Variants in ADCY3 observed in about 807,000 individuals in gnomAD.
The protein encoded by ADCY3 is adenylate cyclase 3, also known as adenylate cyclase type 3.
ADCY3 carries 70 observed loss-of-function variants against 119.4 expected under a neutral mutation model. The observed-to-expected ratio is 0.59, with a 90% CI of 0.48 to 0.72. The LOEUF (loss-of-function observed/expected upper bound fraction) is 0.72. ADCY3 is among the 30% of genes least tolerant of loss of function. The pLI is 0.00. For missense variants in ADCY3, 1,238 were observed against 1,541.6 expected, an observed-to-expected ratio of 0.80 and a Z score of 3.30; for synonymous variants, 672 against 621.4, an observed-to-expected ratio of 1.08 and a Z score of -1.21.
intron 2 of ADCY3, among the ~76,000 whole-genome samples, chr2:24,875,987 G>A (rs1675638814): frequency 1.9e-5 from 1 of 53,352 alleles, no homozygotes; most frequent in African/African-American, 8.4e-5. Flanking sequence ...ACTTCTTTTT[G>A]GGAGGGGGGC....
Position 24,830,758 on chromosome 2 carries a change from C to G in ADCY3, c.2123G>C (p.Trp708Ser), listed in dbSNP as rs749196820. ...IDRTRWARNTWAMLAIFILVM... is the reference protein window; with the variant it reads ...IDRTRWARNTSAMLAIFILVM... ...CAGGATGAAGATGGCGAGCATGGCC[C>G]AGGTGTTCCTGGCCCAGCGGGTCCG... Residue 708 changes from tryptophan (W) to serine (S), a missense_variant, in exon 13 of 22, where the codon TGG becomes TCG. Trp to Ser is a radical substitution (Grantham distance 177, BLOSUM62 -3). Transcript: ENST00000679454. 1.9e-5 allele frequency: 30 copies of G among 1,614,086 alleles called. No homozygotes were observed. The highest frequency in any genetic ancestry group is 2.4e-5 in the Non-Finnish European group (28 of 1,180,004).
rs368536334 is a variant in ADCY3, at chr2:24,826,042, C to T, written c.2577+3G>A. On this transcript the variant is annotated splice_donor_region_variant and intron_variant, in intron 16 of 21. Transcript: ENST00000679454. ...GAGCGGGGATCGTGCAGGCGGCACT[C>T]ACGTGGCGGGAGAAGTAGTAGAAGC... 3 of 1,613,866 alleles carry T rather than the reference C, an allele frequency of 1.9e-6. No homozygotes were observed. The highest frequency in any genetic ancestry group is 1.3e-5 in the African/African-American group (1 of 74,928).
chr2:24,914,122 G>C (rs1406776721), intron 2 of ADCY3, among the ~76,000 whole-genome samples: 1 of 152,174 alleles, frequency 6.6e-6, no homozygotes, highest in East Asian at 1.9e-4. Context: ...ACAGGTCCTG[G>C]GGCAGGACCC....
chr2:24,828,038 T>G lies in ADCY3; in HGVS notation c.2296A>C (p.Ile766Leu), dbSNP rs374127927. 6 of 1,614,134 alleles carry G rather than the reference T, an allele frequency of 3.7e-6. No individual in the cohort carries two copies. The African/African-American group carries it at 8.0e-5, about 22-fold the overall frequency. ...ATGTGGCTGACCTGCACCAGCATGA[T>G]GGTGGCGATGAGGGACAGCACGGCC... is the stretch of plus-strand genomic sequence containing the variant. ...YVAVLSLIATIMLVQVSHMVK... is the reference protein window; with the variant it reads ...YVAVLSLIATLMLVQVSHMVK... The change falls in exon 14 of 22, where the codon ATC becomes CTC. Residue 766 changes from isoleucine (I) to leucine (L), a missense_variant. Ile to Leu is a conservative substitution (Grantham distance 5, BLOSUM62 2). Transcript: ENST00000679454.
intron 11 of ADCY3, among the ~76,000 whole-genome samples, chr2:24,833,059 C>T (rs1349653617): frequency 1.3e-5 from 2 of 152,234 alleles, no homozygotes; most frequent in African/African-American, 2.4e-5. Context: ...CCTCTATCCT[C>T]GGCCTGGCCT....
At position 24,889,060 on chromosome 2, in the gene ADCY3, T is replaced by C. The variant is rs578081351; in HGVS notation, c.676-16341A>G. On this transcript the variant is annotated intron_variant, in intron 2 of 21. Coordinates refer to ENST00000679454, the MANE Select transcript of ADCY3 (RefSeq NM_004036.5). ...AGAAAACTCAACTGTTTTTATTTCA[T>C]TTATTGATACACGCACCTTCTGCTA... is the stretch of plus-strand genomic sequence containing the variant. Among the ~76,000 whole-genome samples, 14 of 152,352 alleles carry C rather than the reference T, an allele frequency of 9.2e-5. No homozygotes were observed. In the South Asian group the frequency reaches 2.9e-3, roughly 32 times the overall value.
At chr2:24,835,615 T>A (rs1220648536) in intron 9 of ADCY3, among the ~76,000 whole-genome samples, 1 of 152,100 alleles carries the variant, frequency 6.6e-6, no homozygotes, top group East Asian at 1.9e-4. Context: ...CTGAACGGGT[T>A]CAACAGTGCA....
At chr2:24,896,237 T>C (rs1678258677) in intron 2 of ADCY3, among the ~76,000 whole-genome samples, 1 of 151,998 alleles carries the variant, frequency 6.6e-6, no homozygotes, top group Admixed American at 6.6e-5. Context: ...ATACAAAAAT[T>C]AGCCAGGCAT....
At chr2:24,857,682 GAGA>G (rs373784846) in intron 3 of ADCY3, among the ~76,000 whole-genome samples, 11 of 152,350 alleles carry the variant, frequency 7.2e-5, no homozygotes, top group African/African-American at 2.6e-4. Context: ...GCCCTGTGTT[GAGA>G]AGGATGCGGA....
At chr2:24,858,750 T>C (rs538932843) in intron 3 of ADCY3, among the ~76,000 whole-genome samples, 2 of 152,222 alleles carry the variant, frequency 1.3e-5, no homozygotes, top group Admixed American at 6.5e-5. Flanking sequence ...GCTTAAGACC[T>C]GCCACAGCCC....
In ADCY3 at chr2:24,822,543, C is replaced by T; in HGVS notation, c.2971G>A (p.Val991Ile). 3 of 1,613,726 alleles carry T rather than the reference C, an allele frequency of 1.9e-6. No homozygotes were observed. Among genetic ancestry groups the T allele is most frequent in the Non-Finnish European group, 2.5e-6 (3 of 1,179,896 alleles). The change falls in exon 19 of 22, where the codon GTC becomes ATC. Residue 991 changes from valine (V) to isoleucine (I), a missense_variant. By Grantham distance (29) the Val-to-Ile change is conservative (BLOSUM62 3). Around this residue, in one of 7 missense-constraint regions of ADCY3, gnomAD observed 63 missense variants for 62.8 expected, o/e 1.00. Coordinates refer to ENST00000679454, the MANE Select transcript of ADCY3 (RefSeq NM_004036.5). ...YMAASGVTPD[V>I]NTNGFASSNK... ...GAGCTGGCAAAGCCATTGGTGTTGA[C>T]ATCGGGGGTGACTCCTGAAGCCGCC...
chr2:24,840,571 A>G (rs1670881898), intron 6 of ADCY3: 1 of 467,834 alleles, frequency 2.1e-6, no homozygotes, highest in Non-Finnish European at 4.4e-6. Context: ...AGAAGGGGGT[A>G]AAGAGCAGGC....
intron 2 of ADCY3, among the ~76,000 whole-genome samples, chr2:24,893,884 G>GT (rs886156933): frequency 2.6e-5 from 4 of 152,162 alleles, no homozygotes; most frequent in African/African-American, 4.8e-5. Flanking sequence ...GATTACAAGC[G>GT]TGAGCCACTG....
At chr2:24,891,780 G>A (rs919517526) in intron 2 of ADCY3, among the ~76,000 whole-genome samples, 2 of 152,136 alleles carry the variant, frequency 1.3e-5, no homozygotes, top group Non-Finnish European at 2.9e-5. Context: ...AAGTTTGTGG[G>A]TGGAAGACAC....
chr2:24,886,836 G>C (rs1218567378), intron 2 of ADCY3, among the ~76,000 whole-genome samples: 3 of 152,236 alleles, frequency 2.0e-5, no homozygotes. Flanking sequence ...TGTGCCCTGA[G>C]TGGGTGAGGT....
chr2:24,864,661 G>T (rs1674070925), intron 3 of ADCY3, among the ~76,000 whole-genome samples: 1 of 152,052 alleles, frequency 6.6e-6, no homozygotes, highest in Non-Finnish European at 1.5e-5. Context: ...GGACCTAGTA[G>T]AGGCAAATTC....
intron 3 of ADCY3, among the ~76,000 whole-genome samples, chr2:24,869,256 G>A (rs1028386630): frequency 6.6e-6 from 1 of 152,042 alleles, no homozygotes; most frequent in Non-Finnish European, 1.5e-5. Context: ...AATTTGAATG[G>A]ACATGTTTCT....
At position 24,841,697 on chromosome 2, in the gene ADCY3, GCTC is replaced by G. The variant is rs1558438783; in HGVS notation, c.957-33_957-31del. ...ATGAGGAAGGAACCGTGGGGGTGAC[GCTC>G]CAGGCAGCCAGGTGTACCCGACCCC... is the stretch of plus-strand genomic sequence containing the variant. On this transcript the variant is annotated intron_variant, in intron 4 of 21. Transcript: ENST00000679454. This position sits in a 1 kb window ranked among gnomAD's most constrained non-coding sequence, Gnocchi z 5.8. 6.4e-7 allele frequency: 1 copy of G among 1,566,268 alleles called. No homozygotes were observed. Among genetic ancestry groups the G allele is most frequent in the East Asian group, 2.2e-5 (1 of 44,506 alleles).
Position 24,834,605 on chromosome 2 carries a change from A to C in ADCY3, c.1847T>G (p.Met616Arg). Reference protein sequence around the residue: ...RNTFLLSMRFMDPEMETRYSV... With the variant: ...RNTFLLSMRFRDPEMETRYSV... The stretch of plus-strand genomic sequence containing the variant: ...GTAGCGGGTTTCCATCTCGGGGTCC[A>C]TGAACCGCATGGACAAGAGGAAGGT... Residue 616 changes from methionine to arginine, a missense_variant, in exon 11 of 22, where the codon ATG becomes AGG. Coordinates refer to ENST00000679454, the MANE Select transcript of ADCY3 (RefSeq NM_004036.5). The surrounding 1 kb of genome is among the most constrained non-coding windows in gnomAD (Gnocchi z 4.2). 1 of 1,614,102 alleles carries C rather than the reference A, an allele frequency of 6.2e-7. No homozygotes were observed.
Sources: gnomAD v4.1 joint callset for allele counts (sites outside exome capture counted in the v4.1 genomes callset) on GRCh38, gnomAD v4.1.1 for gene constraint, gnomAD v4.1.1 regional missense constraint, Gnocchi (gnomAD v3.1) non-coding constraint, MANE v1.5 for transcripts, NCBI Gene and HGNC (gene_info 2026-07-23, HGNC 2026-07-21) for gene names.